ADAMTSL3: variants seen among roughly 807,000 people sequenced by gnomAD.
ADAMTSL3 encodes ADAMTS-like protein 3.
ADAMTSL3 carries 128 observed loss-of-function variants against 201.7 expected under a neutral mutation model. The observed-to-expected ratio is 0.63, with a 90% CI of 0.55 to 0.73. The LOEUF is 0.73. Ranked by LOEUF, ADAMTSL3 falls within the 30% of genes least tolerant of loss-of-function variation. The pLI is 0.00. For missense variants in ADAMTSL3, 1,990 were observed against 2,119.6 expected (o/e 0.94, Z 1.20); for synonymous variants, 738 against 748.4 (o/e 0.99, Z 0.23).
intron 15 of ADAMTSL3, among the ~76,000 whole-genome samples, chr15:83,909,252 A>G (rs1227792407): frequency 6.6e-6 from 1 of 152,164 alleles, no homozygotes; most frequent in African/African-American, 2.4e-5. Flanking sequence ...TTTGCTGTGT[A>G]TGGTAATGTA....
At chr15:83,712,449 A>G (rs1407095569) in intron 3 of ADAMTSL3, among the ~76,000 whole-genome samples, 1 of 152,134 alleles carries the variant, frequency 6.6e-6, no homozygotes, top group African/African-American at 2.4e-5. Context: ...TGGGGGGTTG[A>G]CCTTCTTGGA....
chr15:83,860,874 G>A (rs367626028), intron 8 of ADAMTSL3, among the ~76,000 whole-genome samples: 15 of 152,280 alleles, frequency 9.9e-5, no homozygotes, highest in South Asian at 2.1e-4. Flanking sequence ...AAGGCATCGC[G>A]TCACCCGGGA....
intron 3 of ADAMTSL3, among the ~76,000 whole-genome samples, chr15:83,736,382 A>G (rs2062369810): frequency 6.6e-6 from 1 of 152,250 alleles, no homozygotes; most frequent in African/African-American, 2.4e-5. Context: ...TTCATCGCAT[A>G]TGGCAAATCT....
intron 3 of ADAMTSL3, among the ~76,000 whole-genome samples, chr15:83,734,681 T>A (rs572444836): frequency 6.6e-6 from 1 of 152,204 alleles, no homozygotes; most frequent in African/African-American, 2.4e-5. Flanking sequence ...CACAAAGGAA[T>A]GAGAACATTT....
intron 23 of ADAMTSL3, among the ~76,000 whole-genome samples, chr15:84,010,609 A>G (rs532902884): frequency 6.6e-6 from 1 of 152,272 alleles, no homozygotes; most frequent in African/African-American, 2.4e-5. Context: ...GGTCATAGAG[A>G]GTGAATAATG....
chr15:83,852,923 C>A (rs1256590650), intron 7 of ADAMTSL3, among the ~76,000 whole-genome samples: 1 of 152,106 alleles, frequency 6.6e-6, no homozygotes, highest in Non-Finnish European at 1.5e-5. Context: ...GTGGCGTGAT[C>A]TTGGCTCACT....
At chr15:83,730,419 G>T (rs2062247379) in intron 3 of ADAMTSL3, among the ~76,000 whole-genome samples, 1 of 152,060 alleles carries the variant, frequency 6.6e-6, no homozygotes, top group Admixed American at 6.6e-5. Context: ...TCCAAACCTG[G>T]GATGGTGAAC....
intron 3 of ADAMTSL3, among the ~76,000 whole-genome samples, chr15:83,723,977 G>A (rs2062136494): frequency 6.6e-6 from 1 of 151,938 alleles, no homozygotes; most frequent in African/African-American, 2.4e-5. Context: ...TACAAAGAAA[G>A]GATTGGGGGA....
At chr15:83,903,917 CAAAAAAAAAAAAAAAAAAAA>C (rs1168502648) in intron 15 of ADAMTSL3, among the ~76,000 whole-genome samples, 543 of 19,032 alleles carry the variant, frequency 0.029, 47 homozygotes, top group African/African-American at 0.06. Context: ...GACTCCACAT[CAAAAAAAAAAAAAAAAAAAA>C]AAAAAAAGAA....
At chr15:84,008,627 T>C (rs1026007357) in intron 23 of ADAMTSL3, among the ~76,000 whole-genome samples, 2 of 152,278 alleles carry the variant, frequency 1.3e-5, no homozygotes, top group African/African-American at 4.8e-5. Flanking sequence ...TCTCTCCCTA[T>C]TGGTCCCATA....
At chr15:83,842,544 G>A (rs2141989280) in intron 7 of ADAMTSL3, among the ~76,000 whole-genome samples, 1 of 152,270 alleles carries the variant, frequency 6.6e-6, no homozygotes, top group Non-Finnish European at 1.5e-5. Context: ...GGGGATAAGG[G>A]AACTTTGCCC....
chr15:83,698,886 C>G (rs1387164802), intron 2 of ADAMTSL3, among the ~76,000 whole-genome samples: 1 of 152,142 alleles, frequency 6.6e-6, no homozygotes, highest in East Asian at 1.9e-4. Context: ...AGACACTTGA[C>G]TATTCTGTTT....
intron 19 of ADAMTSL3, among the ~76,000 whole-genome samples, chr15:83,954,511 G>T (rs2066817700): frequency 6.6e-6 from 1 of 152,128 alleles, no homozygotes; most frequent in African/African-American, 2.4e-5. Context: ...TGTCACTCCA[G>T]GATTGGTCCC....
At chr15:83,786,626 T>G (rs1256406457) in intron 4 of ADAMTSL3, among the ~76,000 whole-genome samples, 8 of 152,190 alleles carry the variant, frequency 5.3e-5, no homozygotes, top group Non-Finnish European at 8.8e-5. Context: ...TTACCTAATA[T>G]TCTTTCCTTC....
At chr15:83,905,245 A>G (rs899509257) in intron 15 of ADAMTSL3, among the ~76,000 whole-genome samples, 3 of 152,236 alleles carry the variant, frequency 2.0e-5, no homozygotes, top group Non-Finnish European at 4.4e-5. Context: ...GAGTGACTGC[A>G]TGATGGTATT....
chr15:83,885,801 T>C (rs2141872168), intron 10 of ADAMTSL3, among the ~76,000 whole-genome samples: 1 of 152,210 alleles, frequency 6.6e-6, no homozygotes, highest in Non-Finnish European at 1.5e-5. Context: ...CTCGGCTCGC[T>C]GCAACCTCCG....
At chr15:83,831,983 T>G (rs1256523104) in intron 6 of ADAMTSL3, among the ~76,000 whole-genome samples, 2 of 152,114 alleles carry the variant, frequency 1.3e-5, no homozygotes. Flanking sequence ...GTTCCTGGGC[T>G]CTTCAAAGGA....
intron 2 of ADAMTSL3, among the ~76,000 whole-genome samples, chr15:83,662,415 G>A (rs1198843577): frequency 7.9e-6 from 1 of 127,260 alleles, no homozygotes; most frequent in Non-Finnish European, 1.6e-5. Flanking sequence ...ACACTCTGGG[G>A]ACTGTGGTGG....
rs185281981 is a variant in ADAMTSL3, at chr15:83,854,025, T to C, written c.728-4741T>C. Among the ~76,000 whole-genome samples the C allele has an allele frequency of 3.9e-5, 6 of 152,276 alleles. No individual in the cohort carries two copies. The East Asian group carries it at 1.2e-3, about 29-fold the overall frequency. On this transcript the variant is annotated intron_variant, in intron 7 of 29. Coordinates refer to ENST00000286744, the MANE Select transcript of ADAMTSL3 (RefSeq NM_207517.3). ...AGACATCACAACACTTACTTCTAAG[T>C]ATTAATACTTTAGCATGACTCTTCT...
Sources: allele counts gnomAD v4.1 joint callset (sites outside exome capture counted in the v4.1 genomes callset), GRCh38; gene constraint gnomAD v4.1.1; transcripts MANE v1.5; gene names NCBI Gene and HGNC (gene_info 2026-07-23, HGNC 2026-07-21).